Variants in TLL1 observed in about 807,000 individuals in gnomAD.
TLL1 encodes tolloid like 1.
TLL1 carries 49 observed loss-of-function variants against 128.2 expected under a neutral mutation model. The observed-to-expected ratio is 0.38, with a 90% CI of 0.30 to 0.48. The LOEUF (loss-of-function observed/expected upper bound fraction) is 0.48. Ranked by LOEUF, TLL1 falls within the 20% of genes least tolerant of loss-of-function variation. The pLI, the probability that TLL1 is intolerant of heterozygous loss-of-function variation, is 0.96. For synonymous variants in TLL1, 454 were observed against 418.8 expected (o/e 1.08, Z -1.03); for missense variants, 1,123 against 1,242.0 (o/e 0.90, Z 1.44).
intron 15 of TLL1, among the ~76,000 whole-genome samples, chr4:166,063,040 A>G (rs1355458380): frequency 6.6e-6 from 1 of 152,134 alleles, no homozygotes; most frequent in Non-Finnish European, 1.5e-5. Flanking sequence ...TGCTAACATC[A>G]GAGTGAACAG....
intron 7 of TLL1, among the ~76,000 whole-genome samples, chr4:166,009,071 T>C (rs905294858): frequency 1.3e-5 from 2 of 151,540 alleles, no homozygotes; most frequent in African/African-American, 4.8e-5. Context: ...ACATTATTTA[T>C]AGACATACGC....
At chr4:165,914,585 C>G (rs73860885) in intron 1 of TLL1, among the ~76,000 whole-genome samples, 16,534 of 152,164 alleles carry the variant, frequency 0.11, 2,830 homozygotes, top group African/African-American at 0.37. Context: ...TCTTTCTTCA[C>G]AGATAAAGAC....
At chr4:165,880,660 A>T (rs1730932281) in intron 1 of TLL1, among the ~76,000 whole-genome samples, 1 of 152,200 alleles carries the variant, frequency 6.6e-6, no homozygotes, top group Non-Finnish European at 1.5e-5. Flanking sequence ...GGGAGTTGTT[A>T]CGGAGGTGGA....
At chr4:165,924,253 G>A (rs1243504962) in intron 1 of TLL1, among the ~76,000 whole-genome samples, 1 of 152,142 alleles carries the variant, frequency 6.6e-6, no homozygotes, top group African/African-American at 2.4e-5. Flanking sequence ...AGCCGAGATA[G>A]GCCAAGAGCG....
At chr4:165,898,724 A>C in intron 1 of TLL1, among the ~76,000 whole-genome samples, 1 of 152,214 alleles carries the variant, frequency 6.6e-6, no homozygotes, top group South Asian at 2.1e-4. Context: ...TTTTGGTATC[A>C]GGATGATACT....
chr4:166,004,138 T>C (rs1246729909), intron 6 of TLL1, among the ~76,000 whole-genome samples: 1 of 152,132 alleles, frequency 6.6e-6, no homozygotes, highest in Non-Finnish European at 1.5e-5. Flanking sequence ...ATATAATTTC[T>C]ACTTAAAACC....
At chr4:166,010,762 G>T (rs1737655233) in intron 7 of TLL1, among the ~76,000 whole-genome samples, 1 of 150,974 alleles carries the variant, frequency 6.6e-6, no homozygotes, top group African/African-American at 2.4e-5. Flanking sequence ...TTTTATTCTA[G>T]AAGTTGTATA....
intron 1 of TLL1, among the ~76,000 whole-genome samples, chr4:165,947,877 G>T (rs549858901): frequency 1.3e-5 from 2 of 152,214 alleles, no homozygotes; most frequent in South Asian, 4.1e-4. Context: ...TATACCAGTA[G>T]AACACTGCCA....
At chr4:165,975,922 C>T (rs187383744) in intron 1 of TLL1, among the ~76,000 whole-genome samples, 49 of 149,208 alleles carry the variant, frequency 3.3e-4, no homozygotes, top group East Asian at 3.2e-3. Context: ...CCTGTAATCC[C>T]GGCTACTCAG....
At chr4:165,885,181 A>G (rs931433574) in intron 1 of TLL1, among the ~76,000 whole-genome samples, 7 of 152,288 alleles carry the variant, frequency 4.6e-5, no homozygotes, top group African/African-American at 1.7e-4. Context: ...TGGAAACTCC[A>G]GTACTGGCTC....
intron 6 of TLL1, among the ~76,000 whole-genome samples, chr4:166,005,598 T>A (rs1737386846): frequency 6.6e-6 from 1 of 151,850 alleles, no homozygotes; most frequent in Non-Finnish European, 1.5e-5. Context: ...TATAGAAGAC[T>A]CTAATGAATG....
chr4:165,912,614 C>T (rs1732586805), intron 1 of TLL1, among the ~76,000 whole-genome samples: 1 of 152,240 alleles, frequency 6.6e-6, no homozygotes, highest in Admixed American at 6.5e-5. Context: ...TGATTAGAAT[C>T]CCTGCCCATG....
At chr4:165,968,765 T>C (rs1388686124) in intron 1 of TLL1, among the ~76,000 whole-genome samples, 2 of 152,114 alleles carry the variant, frequency 1.3e-5, no homozygotes, top group East Asian at 1.9e-4. Context: ...ATCTGTGAGA[T>C]AGAATTGTTG....
intron 6 of TLL1, among the ~76,000 whole-genome samples, chr4:166,006,761 A>G (rs1737453229): frequency 6.6e-6 from 1 of 151,728 alleles, no homozygotes. Flanking sequence ...TATTGTGTAA[A>G]TTCATTCAAA....
At chr4:165,968,603 G>T (rs1422909317) in intron 1 of TLL1, among the ~76,000 whole-genome samples, 2 of 152,132 alleles carry the variant, frequency 1.3e-5, no homozygotes, top group African/African-American at 4.8e-5. Flanking sequence ...AGTGAATGTG[G>T]AAGTATTGAC....
At chr4:165,916,738 C>A (rs1026437892) in intron 1 of TLL1, among the ~76,000 whole-genome samples, 1 of 152,036 alleles carries the variant, frequency 6.6e-6, no homozygotes, top group Non-Finnish European at 1.5e-5. Flanking sequence ...AGAATATGAT[C>A]AAATCATTGG....
intron 1 of TLL1, among the ~76,000 whole-genome samples, chr4:165,979,573 G>C (rs896246371): frequency 6.6e-6 from 1 of 152,052 alleles, no homozygotes; most frequent in East Asian, 1.9e-4. Context: ...ATGGGGTCAT[G>C]GTAATTAGAA....
Position 166,103,151 on chromosome 4 carries a change from T to C in TLL1, c.*2275T>C, listed in dbSNP as rs1742365686. 6.6e-6 allele frequency: 1 copy of C among 151,904 alleles called. No homozygotes were observed. Among genetic ancestry groups the C allele is most frequent in the Non-Finnish European group, 1.5e-5 (1 of 67,872 alleles). The allele number at this position is 151,904 out of a possible 1,614,324, so 9.4% of individuals were successfully genotyped here. ...AGATGTTGAAACCCAGTTTATCTTA[T>C]ACAAATGAGCCTCTGCTTGTTCTAC... On this transcript the variant is annotated 3_prime_UTR_variant, in exon 21 of 21. Transcript: ENST00000061240.
chr4:165,891,696 T>C (rs1579447585), intron 1 of TLL1, among the ~76,000 whole-genome samples: 1 of 152,276 alleles, frequency 6.6e-6, no homozygotes, highest in African/African-American at 2.4e-5. Flanking sequence ...GCTATCAGTA[T>C]TTTGGTCAAA....
Sources: allele counts gnomAD v4.1 joint callset (sites outside exome capture counted in the v4.1 genomes callset), GRCh38; gene constraint gnomAD v4.1.1; transcripts MANE v1.5; gene names NCBI Gene and HGNC (gene_info 2026-07-23, HGNC 2026-07-21).